Variants in NEGR1 observed in about 807,000 individuals in gnomAD.
The protein encoded by NEGR1 is neuronal growth regulator 1, also known as IgLON family member 4.
Under a neutral mutation model 40.9 loss-of-function variants are expected in NEGR1, and 10 were observed. That is an observed-to-expected ratio of 0.24 (90% CI 0.15 to 0.42). The LOEUF is 0.42. Ranked by LOEUF, NEGR1 falls within the 10% of genes least tolerant of loss-of-function variation. The pLI, the probability that NEGR1 is intolerant of heterozygous loss-of-function variation, is 1.00. For synonymous variants in NEGR1, 185 were observed against 166.8 expected (o/e 1.11, Z -0.84); for missense variants, 352 against 438.9 (o/e 0.80, Z 1.77).
chr1:72,159,038 C>T (rs927282631), intron 1 of NEGR1, among the ~76,000 whole-genome samples: 5 of 152,082 alleles, frequency 3.3e-5, no homozygotes, highest in African/African-American at 9.7e-5. Flanking sequence ...ATGGTGAGTA[C>T]TTTGCCTCAA....
chr1:72,102,458 T>C (rs192022890), intron 1 of NEGR1, among the ~76,000 whole-genome samples: 223 of 152,198 alleles, frequency 1.5e-3, no homozygotes, highest in South Asian at 2.5e-3. Flanking sequence ...ACATATGCTA[T>C]AACTCTGACC....
intron 2 of NEGR1, among the ~76,000 whole-genome samples, chr1:71,898,337 C>G (rs180944860): frequency 1.3e-5 from 2 of 152,060 alleles, no homozygotes; most frequent in African/African-American, 2.4e-5. Flanking sequence ...CTTTGCTGGC[C>G]GGGCGCGGTG....
chr1:71,998,371 A>G (rs1279355330), intron 1 of NEGR1, among the ~76,000 whole-genome samples: 1 of 151,938 alleles, frequency 6.6e-6, no homozygotes, highest in Non-Finnish European at 1.5e-5. Context: ...ATTCTATTAT[A>G]TACTTGTATC....
At chr1:71,874,745 G>T (rs1377607451) in intron 2 of NEGR1, among the ~76,000 whole-genome samples, 1 of 152,170 alleles carries the variant, frequency 6.6e-6, no homozygotes, top group Non-Finnish European at 1.5e-5. Flanking sequence ...TTTACACTAA[G>T]ACTTGATTTT....
At chr1:71,799,031 C>A (rs1297050125) in intron 2 of NEGR1, among the ~76,000 whole-genome samples, 1 of 150,636 alleles carries the variant, frequency 6.6e-6, no homozygotes, top group African/African-American at 2.5e-5. Context: ...GGGAAAAGAT[C>A]TTGTATTGAA....
intron 1 of NEGR1, among the ~76,000 whole-genome samples, chr1:72,091,581 A>T (rs951039753): frequency 1.3e-5 from 2 of 152,076 alleles, no homozygotes; most frequent in African/African-American, 4.8e-5. Flanking sequence ...AGGCATGATC[A>T]TACTATAGTT....
chr1:71,660,053 T>C (rs1453551080), intron 4 of NEGR1, among the ~76,000 whole-genome samples: 4 of 152,124 alleles, frequency 2.6e-5, no homozygotes, highest in African/African-American at 9.7e-5. Context: ...CTATTTGCAA[T>C]AGCAAAGATA....
At chr1:71,477,983 G>A (rs954356380) in intron 6 of NEGR1, among the ~76,000 whole-genome samples, 3 of 151,878 alleles carry the variant, frequency 2.0e-5, no homozygotes, top group Non-Finnish European at 2.9e-5. Context: ...TACTTTTCTT[G>A]TATTACTTTA....
At chr1:71,990,839 G>C (rs944393042) in intron 1 of NEGR1, among the ~76,000 whole-genome samples, 4 of 151,116 alleles carry the variant, frequency 2.6e-5, no homozygotes, top group African/African-American at 9.7e-5. Flanking sequence ...AGCTCAATCC[G>C]TAAACACATT....
At chr1:71,583,957 GCTTCATTT>G (rs1369438971) in intron 6 of NEGR1, among the ~76,000 whole-genome samples, 2 of 152,182 alleles carry the variant, frequency 1.3e-5, no homozygotes, top group Non-Finnish European at 2.9e-5. Flanking sequence ...AACTGAAGTT[GCTTCATTT>G]CTTTAAAACT....
At chr1:72,043,415 TAATATA>T (rs1646973150) in intron 1 of NEGR1, among the ~76,000 whole-genome samples, 1 of 151,624 alleles carries the variant, frequency 6.6e-6, no homozygotes, top group Non-Finnish European at 1.5e-5. Context: ...AAGAATATAT[TAATATA>T]AATATAAATA....
chr1:71,620,028 A>C (rs1232245711), intron 4 of NEGR1, among the ~76,000 whole-genome samples: 4 of 152,052 alleles, frequency 2.6e-5, no homozygotes, highest in Non-Finnish European at 4.4e-5. Context: ...TATCCTTACT[A>C]AGTTGAGGTA....
chr1:71,581,474 A>T (rs1186122510), intron 6 of NEGR1, among the ~76,000 whole-genome samples: 1 of 152,158 alleles, frequency 6.6e-6, no homozygotes, highest in Non-Finnish European at 1.5e-5. Flanking sequence ...TTACCACAAA[A>T]ATATCATGTC....
intron 1 of NEGR1, among the ~76,000 whole-genome samples, chr1:72,238,872 T>C (rs1490502418): frequency 1.3e-5 from 2 of 151,874 alleles, no homozygotes; most frequent in African/African-American, 4.8e-5. Flanking sequence ...ATATCAAAGC[T>C]GTGGCACAGA....
chr1:72,045,103 C>T (rs1163225694), intron 1 of NEGR1, among the ~76,000 whole-genome samples: 1 of 151,716 alleles, frequency 6.6e-6, no homozygotes, highest in African/African-American at 2.4e-5. Flanking sequence ...TTTGACCTCA[C>T]CCACATAACA....
chr1:71,668,818 G>A (rs1415765181), intron 4 of NEGR1, among the ~76,000 whole-genome samples: 3 of 152,146 alleles, frequency 2.0e-5, no homozygotes, highest in Non-Finnish European at 4.4e-5. Flanking sequence ...GAGAATATAA[G>A]GATGGAGAGC....
At chr1:71,958,145 C>T (rs1570552867) in intron 1 of NEGR1, among the ~76,000 whole-genome samples, 1 of 152,182 alleles carries the variant, frequency 6.6e-6, no homozygotes, top group African/African-American at 2.4e-5. Context: ...TATTTTCCCA[C>T]ATCCACTGAG....
intron 1 of NEGR1, among the ~76,000 whole-genome samples, chr1:71,983,606 C>T (rs1646371546): frequency 6.6e-6 from 1 of 152,162 alleles, no homozygotes; most frequent in Admixed American, 6.6e-5. Context: ...AAATGCACTT[C>T]AGCCCTTTTC....
intron 6 of NEGR1, among the ~76,000 whole-genome samples, chr1:71,487,347 T>C (rs925901172): frequency 6.6e-6 from 1 of 151,742 alleles, no homozygotes; most frequent in Non-Finnish European, 1.5e-5. Flanking sequence ...GGCAGATGAT[T>C]TTAGTATAAT....
Sources: allele counts gnomAD v4.1 joint callset (sites outside exome capture counted in the v4.1 genomes callset), GRCh38; gene constraint gnomAD v4.1.1; transcripts MANE v1.5; gene names NCBI Gene and HGNC (gene_info 2026-07-23, HGNC 2026-07-21).